Variants in GRIP1 observed in about 807,000 individuals in gnomAD.
The protein encoded by GRIP1 is glutamate receptor interacting protein 1, also known as glutamate receptor-interacting protein 1.
GRIP1 carries 45 observed loss-of-function variants against 129.9 expected under a neutral mutation model. The ratio of observed to expected loss-of-function variants is 0.35; its 90% CI spans 0.27 to 0.44. The LOEUF is 0.44. GRIP1 is among the 20% of genes least tolerant of loss of function. The pLI is 1.00. For synonymous variants in GRIP1, 530 were observed against 520.8 expected (o/e 1.02, Z -0.24); for missense variants, 1,196 against 1,396.8 (o/e 0.86, Z 2.29).
At chr12:66,881,877 T>C (rs2137194175) in intron 1 of GRIP1, among the ~76,000 whole-genome samples, 1 of 152,328 alleles carries the variant, frequency 6.6e-6, no homozygotes, top group East Asian at 1.9e-4. Flanking sequence ...GTTGTCACAA[T>C]AACTGAGATA....
At chr12:66,880,724 G>A (rs577084172) in intron 1 of GRIP1, among the ~76,000 whole-genome samples, 16 of 152,136 alleles carry the variant, frequency 1.1e-4, no homozygotes, top group Non-Finnish European at 2.1e-4. Context: ...GACATGATAT[G>A]TATAAGCATT....
chr12:66,897,817 G>C (rs1056315568), intron 1 of GRIP1, among the ~76,000 whole-genome samples: 1 of 152,170 alleles, frequency 6.6e-6, no homozygotes, highest in Non-Finnish European at 1.5e-5. Flanking sequence ...TGTTCAAGAT[G>C]TAAGTGTGAA....
At chr12:66,432,844 G>T (rs904962539) in intron 13 of GRIP1, among the ~76,000 whole-genome samples, 2 of 152,140 alleles carry the variant, frequency 1.3e-5, no homozygotes, top group African/African-American at 4.8e-5. Flanking sequence ...CACACCAACA[G>T]TTGAGTTCAG....
chr12:66,474,977 A>C (rs1445627816), intron 7 of GRIP1, among the ~76,000 whole-genome samples: 1 of 149,306 alleles, frequency 6.7e-6, no homozygotes, highest in Non-Finnish European at 1.5e-5. Flanking sequence ...CACACATAAC[A>C]ATATTAACCT....
intron 1 of GRIP1, among the ~76,000 whole-genome samples, chr12:66,882,631 G>C (rs781240328): frequency 2.6e-5 from 4 of 152,158 alleles, no homozygotes; most frequent in Admixed American, 1.3e-4. Flanking sequence ...TACAAATAAA[G>C]TATTATCTGC....
At chr12:66,499,609 C>T (rs1409159140) in intron 7 of GRIP1, among the ~76,000 whole-genome samples, 2 of 152,068 alleles carry the variant, frequency 1.3e-5, no homozygotes, top group Non-Finnish European at 1.5e-5. Flanking sequence ...TAGTACTACA[C>T]TGAATGGGGC....
At chr12:66,761,125 T>C (rs1448326147) in intron 1 of GRIP1, among the ~76,000 whole-genome samples, 2 of 152,036 alleles carry the variant, frequency 1.3e-5, no homozygotes, top group East Asian at 3.9e-4. Context: ...TCTTTCCTTT[T>C]CAGCTCTCCC....
intron 1 of GRIP1, among the ~76,000 whole-genome samples, chr12:66,724,475 A>C (rs954496811): frequency 6.6e-6 from 1 of 152,222 alleles, no homozygotes; most frequent in African/African-American, 2.4e-5. Context: ...TCATAGAAGC[A>C]TACAACATTT....
At chr12:66,738,884 C>G (rs1362981630) in intron 1 of GRIP1, among the ~76,000 whole-genome samples, 1 of 152,172 alleles carries the variant, frequency 6.6e-6, no homozygotes, top group Non-Finnish European at 1.5e-5. Context: ...TCTACGTTGC[C>G]TCTCCACTCA....
In GRIP1 at chr12:66,353,489, C is replaced by A. The variant is rs754902249; in HGVS notation, c.3087G>T (p.Val1029=). 1.9e-6 allele frequency: 3 copies of A among 1,612,836 alleles called. No homozygotes were observed. Among genetic ancestry groups the A allele is most frequent in the Non-Finnish European group, 2.5e-6 (3 of 1,178,962 alleles). Residue 1029 remains valine, a synonymous_variant, in exon 24 of 25, where the codon GTG becomes GTT. Coordinates refer to ENST00000359742, the MANE Select transcript of GRIP1 (RefSeq NM_001366722.1). ...CAGCTGGGCGAATATTTTTGACATACACTCCTTTCTCCAGTAAGCCATCTG... is the reference window on the plus strand; with the variant it reads ...CAGCTGGGCGAATATTTTTGACATAAACTCCTTTCTCCAGTAAGCCATCTG... The part of the protein sequence containing the change: ...SVADGLLEKG[V]YVKNIRPAGP...
intron 1 of GRIP1, among the ~76,000 whole-genome samples, chr12:66,637,404 G>A (rs1338115158): frequency 6.6e-6 from 1 of 151,608 alleles, no homozygotes; most frequent in African/African-American, 2.4e-5. Context: ...TTTAAAACAT[G>A]TATGTCCATC....
At chr12:66,374,629 A>G (rs1463754193) in intron 22 of GRIP1, among the ~76,000 whole-genome samples, 1 of 152,238 alleles carries the variant, frequency 6.6e-6, no homozygotes, top group Admixed American at 6.5e-5. Context: ...ATTTTTCATG[A>G]GAATGACAGG....
At chr12:66,971,265 C>T (rs1021869) in intron 1 of GRIP1, among the ~76,000 whole-genome samples, 3,319 of 152,188 alleles carry the variant, frequency 0.022, 59 homozygotes, top group Non-Finnish European at 0.033. Flanking sequence ...GCTGACAGTT[C>T]CAGGAAAACT....
intron 1 of GRIP1, 143 bp downstream of exon 1, chr12:66,678,707 G>A: frequency 1.3e-6 from 1 of 758,726 alleles, no homozygotes; most frequent in Non-Finnish European, 2.3e-6. Context: ...CTGTACATAT[G>A]TATCTATACA....
intron 15 of GRIP1, among the ~76,000 whole-genome samples, chr12:66,418,757 G>C (rs970940308): frequency 6.6e-6 from 1 of 152,076 alleles, no homozygotes; most frequent in Non-Finnish European, 1.5e-5. Context: ...CATCTGACCC[G>C]AGTTAAAATG....
intron 1 of GRIP1, among the ~76,000 whole-genome samples, chr12:66,645,182 T>A (rs1195618161): frequency 6.6e-6 from 1 of 152,236 alleles, no homozygotes; most frequent in Non-Finnish European, 1.5e-5. Context: ...TTCTGCCATC[T>A]GCATAGTATA....
intron 1 of GRIP1, among the ~76,000 whole-genome samples, chr12:67,029,615 T>C (rs1249365718): frequency 1.3e-5 from 2 of 151,058 alleles, no homozygotes; most frequent in East Asian, 1.9e-4. Context: ...TAATGAACTT[T>C]TGGTAAATCC....
chr12:67,013,975 C>G (rs561178234), intron 1 of GRIP1, among the ~76,000 whole-genome samples: 2 of 152,194 alleles, frequency 1.3e-5, no homozygotes, highest in African/African-American at 4.8e-5. Flanking sequence ...AAGATGCTCT[C>G]TTTTCTGCTG....
intron 2 of GRIP1, among the ~76,000 whole-genome samples, chr12:66,565,798 C>T (rs11176267): frequency 0.1 from 15,557 of 152,102 alleles, 1,017 homozygotes; most frequent in East Asian, 0.19. Flanking sequence ...TCTTTTATTT[C>T]GTTGAGCAGT....
Sources: allele counts gnomAD v4.1 joint callset (sites outside exome capture counted in the v4.1 genomes callset), GRCh38; gene constraint gnomAD v4.1.1; transcripts MANE v1.5; gene names NCBI Gene and HGNC (gene_info 2026-07-23, HGNC 2026-07-21).